The following LIMCH1 variants were observed in gnomAD, a reference collection of about 807,000 sequenced individuals.
LIMCH1 encodes LIM and calponin homology domains-containing protein 1.
LIMCH1 carries 113 observed loss-of-function variants against 176.5 expected under a neutral mutation model. The ratio of observed to expected loss-of-function variants is 0.64; its 90% confidence interval spans 0.55 to 0.75. LIMCH1 has a LOEUF of 0.75. LIMCH1 is among the 30% of genes least tolerant of loss of function. LIMCH1 has a pLI of 0.00. For synonymous variants in LIMCH1, 619 were observed against 645.9 expected (o/e 0.96, Z 0.63); for missense variants, 1,674 against 1,814.9 (o/e 0.92, Z 1.41).
intron 1 of LIMCH1, among the ~76,000 whole-genome samples, chr4:41,595,272 A>T (rs2088531207): frequency 6.6e-6 from 1 of 152,174 alleles, no homozygotes; most frequent in South Asian, 2.1e-4. Context: ...CATCATAGAG[A>T]AAGAGAAGAC....
chr4:41,697,217 T>G lies in LIMCH1; in HGVS notation c.*32T>G, dbSNP rs1319074323. 5 of 1,609,610 alleles carry G rather than the reference T, an allele frequency of 3.1e-6. No individual in the cohort carries two copies. The highest frequency in any genetic ancestry group is 4.3e-6 in the Non-Finnish European group (5 of 1,176,138). On this transcript the variant is annotated 3_prime_UTR_variant, in exon 32 of 32. Transcript: ENST00000503057. ...TTTCAAGCTTCCGGATCACTCACCA[T>G]TTCTTTACTGAGAGTGTCCCCTGGC...
chr4:41,492,801 G>A (rs368813733), intron 1 of LIMCH1, among the ~76,000 whole-genome samples: 43 of 152,190 alleles, frequency 2.8e-4, no homozygotes, highest in African/African-American at 9.9e-4. Flanking sequence ...TTTTAATTAG[G>A]TGTATGAATG....
chr4:41,360,711 G>C, upstream of LIMCH1: 1 of 527,794 alleles, frequency 1.9e-6, no homozygotes. The surrounding 1 kb of genome is among the most constrained non-coding windows in gnomAD (Gnocchi z 4.5). Flanking sequence ...CGGGACCTGC[G>C]CCGGCCGGGG....
At chr4:41,517,370 A>G (rs1327582009) in intron 2 of LIMCH1, among the ~76,000 whole-genome samples, 2 of 152,186 alleles carry the variant, frequency 1.3e-5, no homozygotes, top group African/African-American at 4.8e-5. Context: ...AATGGTAAGC[A>G]GTCTCTGCCA....
intron 2 of LIMCH1, among the ~76,000 whole-genome samples, chr4:41,517,532 C>T (rs1489242138): frequency 1.3e-5 from 2 of 150,202 alleles, no homozygotes; most frequent in Non-Finnish European, 2.9e-5. Context: ...TTAAGTGTGA[C>T]CTATATTTCA....
chr4:41,452,648 T>G (rs1473950335), intron 1 of LIMCH1, among the ~76,000 whole-genome samples: 1 of 152,226 alleles, frequency 6.6e-6, no homozygotes, highest in Non-Finnish European at 1.5e-5. Context: ...AGTGCCTGTT[T>G]GTTCACCATT....
intron 2 of LIMCH1, among the ~76,000 whole-genome samples, chr4:41,503,505 C>G (rs1002570173): frequency 6.6e-6 from 1 of 152,154 alleles, no homozygotes; most frequent in East Asian, 1.9e-4. Flanking sequence ...TTTGGAACTT[C>G]TAGTGGAGAA....
At chr4:41,446,756 T>C (rs1472272456) in intron 1 of LIMCH1, among the ~76,000 whole-genome samples, 1 of 152,230 alleles carries the variant, frequency 6.6e-6, no homozygotes, top group Non-Finnish European at 1.5e-5. Context: ...AAGTCCTTAA[T>C]ATTTTTCATG....
At chr4:41,675,850 C>G (rs1344815045) in intron 22 of LIMCH1, among the ~76,000 whole-genome samples, 1 of 152,218 alleles carries the variant, frequency 6.6e-6, no homozygotes, top group African/African-American at 2.4e-5. Context: ...GGCAAGTGAT[C>G]TGCTTGCCTG....
intron 2 of LIMCH1, among the ~76,000 whole-genome samples, chr4:41,523,543 C>T (rs1265067112): frequency 7.9e-5 from 12 of 152,136 alleles, no homozygotes. Context: ...GCCTGATTCC[C>T]GAACGTGGAA....
chr4:41,629,100 A>C (rs944961556), intron 8 of LIMCH1, among the ~76,000 whole-genome samples: 1 of 152,188 alleles, frequency 6.6e-6, no homozygotes, highest in East Asian at 1.9e-4. Context: ...GCAGTAAAAA[A>C]CATTCCAAGA....
chr4:41,538,411 A>G (rs2078193773), intron 1 of LIMCH1, 61 bp downstream of exon 1: 2 of 934,640 alleles, frequency 2.1e-6, no homozygotes, highest in Admixed American at 6.2e-5. Context: ...GGAAAGAAGG[A>G]AGCTATTTAG....
chr4:41,551,866 A>G (rs1235167555), intron 1 of LIMCH1, among the ~76,000 whole-genome samples: 1 of 152,196 alleles, frequency 6.6e-6, no homozygotes, highest in Non-Finnish European at 1.5e-5. Context: ...TGGCCCTTTC[A>G]GAAAAAGTTT....
At position 41,684,480 on chromosome 4, in the gene LIMCH1, G is replaced by A; in HGVS notation, c.3929G>A (p.Gly1310Glu). The change falls in exon 27 of 32, where the codon GGG becomes GAG. Residue 1310 changes from glycine to glutamate, a missense_variant. Physicochemically the swap from Gly to Glu is moderately conservative, Grantham distance 98. Around this residue, in one of 3 missense-constraint regions of LIMCH1, gnomAD observed 1,015 missense variants for 1,102.5 expected, o/e 0.92. Coordinates refer to ENST00000503057, the MANE Select transcript of LIMCH1 (RefSeq NM_001330672.2). ...HEDHQLDTEAGAPHCGTNPQL... is the reference protein window; with the variant it reads ...HEDHQLDTEAEAPHCGTNPQL... The stretch of plus-strand genomic sequence containing the variant: ...GACCATCAGCTGGATACCGAGGCTG[G>A]GGCCCCACACTGTGGAACAAACCCA... The A allele has an allele frequency of 6.2e-7, 1 of 1,613,666 alleles. No individual in the cohort carries two copies.
Position 41,455,898 on chromosome 4 carries a change from C to T in LIMCH1, c.97-38638C>T, listed in dbSNP as rs183028049. On this transcript the variant is annotated intron_variant, in intron 1 of 26. Coordinates refer to the LIMCH1 transcript ENST00000313860. ...AATGGTGGTACCTTCTGACTTGATA[C>T]TAACACATAAGAAATCTCTTGTTCC... Among the ~76,000 whole-genome samples, 16 of 152,344 alleles carry T rather than the reference C, an allele frequency of 1.1e-4. No individual in the cohort carries two copies. The East Asian group carries it at 2.7e-3, about 26-fold the overall frequency.
intron 26 of LIMCH1, among the ~76,000 whole-genome samples, chr4:41,682,767 C>T (rs1717256777): frequency 6.6e-6 from 1 of 150,708 alleles, no homozygotes; most frequent in Non-Finnish European, 1.5e-5. Flanking sequence ...ACTGCTACCT[C>T]CCAGGTTCAA....
intron 1 of LIMCH1, among the ~76,000 whole-genome samples, chr4:41,376,389 T>G (rs1018563672): frequency 2.6e-5 from 4 of 152,214 alleles, no homozygotes; most frequent in African/African-American, 9.6e-5. Context: ...TTTTGGTGTT[T>G]GACCAAGGGA....
intron 18 of LIMCH1, among the ~76,000 whole-genome samples, chr4:41,660,866 A>G (rs1326588345): frequency 6.6e-6 from 1 of 152,142 alleles, no homozygotes; most frequent in Non-Finnish European, 1.5e-5. Context: ...GAAAAGGAGT[A>G]AGAACCAGTG....
chr4:41,558,247 GA>G (rs931976281), intron 1 of LIMCH1, among the ~76,000 whole-genome samples: 21 of 147,760 alleles, frequency 1.4e-4, no homozygotes, highest in Non-Finnish European at 1.8e-4. Context: ...TACCAACATT[GA>G]AAAAAAAAAC....
Sources: gnomAD v4.1 joint callset for allele counts (sites outside exome capture counted in the v4.1 genomes callset) on GRCh38, gnomAD v4.1.1 for gene constraint, gnomAD v4.1.1 regional missense constraint, Gnocchi (gnomAD v3.1) non-coding constraint, MANE v1.5 for transcripts, NCBI Gene and HGNC (gene_info 2026-07-23, HGNC 2026-07-21) for gene names.